Variants in BCAS3 observed in about 807,000 individuals in gnomAD.
BCAS3 encodes BCAS3 microtubule associated cell migration factor.
Under a neutral mutation model 116.1 loss-of-function variants are expected in BCAS3, and 53 were observed. That is an observed-to-expected ratio of 0.46 (90% CI 0.37 to 0.57). BCAS3 has a LOEUF of 0.57. Among genes scored for constraint, BCAS3 ranks in the 20% least tolerant of loss-of-function variants. BCAS3 has a pLI of 0.00. For synonymous variants in BCAS3, 391 were observed against 408.2 expected (o/e 0.96, Z 0.51); for missense variants, 917 against 1,165.4 (o/e 0.79, Z 3.10).
chr17:61,238,078 G>C (rs1237304730), intron 22 of BCAS3, among the ~76,000 whole-genome samples: 1 of 152,130 alleles, frequency 6.6e-6, no homozygotes, highest in African/African-American at 2.4e-5. Flanking sequence ...GTGAGACAGA[G>C]TTTCACTTTT....
chr17:60,739,454 T>C (rs1170322887), intron 5 of BCAS3, among the ~76,000 whole-genome samples: 3 of 152,058 alleles, frequency 2.0e-5, no homozygotes, highest in African/African-American at 7.2e-5. Flanking sequence ...ACCCTGTCTC[T>C]ACTAAAACTA....
chr17:61,345,268 G>A (rs2057439147), intron 22 of BCAS3, among the ~76,000 whole-genome samples: 1 of 152,216 alleles, frequency 6.6e-6, no homozygotes, highest in African/African-American at 2.4e-5. Context: ...TGCCTGACTG[G>A]CTGGCTGGGC....
At chr17:60,705,565 C>T (rs1281548617) in intron 4 of BCAS3, among the ~76,000 whole-genome samples, 1 of 149,208 alleles carries the variant, frequency 6.7e-6, no homozygotes, top group Non-Finnish European at 1.5e-5. Context: ...GTAGATATGG[C>T]AAAAAAGATG....
chr17:60,963,294 A>T (rs1397009739), intron 14 of BCAS3, among the ~76,000 whole-genome samples: 1 of 151,444 alleles, frequency 6.6e-6, no homozygotes, highest in African/African-American at 2.4e-5. Flanking sequence ...TTTGATAGGG[A>T]TTGCATTGAA....
chr17:60,810,613 A>G, intron 7 of BCAS3: 1 of 707,240 alleles, frequency 1.4e-6, no homozygotes, highest in South Asian at 1.4e-5. Flanking sequence ...CAGTGCCTGC[A>G]TCGTTCTGCA....
rs899192463 is a variant in BCAS3 at position 60,956,011 on chromosome 17, G to A, written c.1221+8659G>A. 1.3e-5 allele frequency among the ~76,000 whole-genome samples: 2 copies of A among 152,070 alleles called. No homozygotes were observed. The highest frequency in any genetic ancestry group is 4.8e-5 in the African/African-American group (2 of 41,404). The stretch of plus-strand genomic sequence containing the variant: ...TTCCTCACTGTGCAGTTACTCTTTT[G>A]TACTTATAAAAATTTACAAGGTTTT... On this transcript the variant is annotated intron_variant, in intron 14 of 23. Coordinates refer to ENST00000407086, the MANE Select transcript of BCAS3 (RefSeq NM_017679.5). The surrounding 1 kb of genome is among the most constrained non-coding windows in gnomAD (Gnocchi z 4.2).
intron 22 of BCAS3, among the ~76,000 whole-genome samples, chr17:61,292,882 A>G (rs1021514676): frequency 4.6e-5 from 7 of 152,202 alleles, no homozygotes; most frequent in East Asian, 1.9e-4. Flanking sequence ...TTTTTCATCA[A>G]TACATACAGA....
chr17:61,138,551 A>G (rs2076765988), intron 22 of BCAS3, among the ~76,000 whole-genome samples: 1 of 152,154 alleles, frequency 6.6e-6, no homozygotes, highest in South Asian at 2.1e-4. Flanking sequence ...GCAATTTTGC[A>G]TTTTTTACTG....
chr17:60,989,812 T>C (rs970224436), intron 14 of BCAS3, among the ~76,000 whole-genome samples, 159 bp from the exon 15 acceptor site: 1 of 152,236 alleles, frequency 6.6e-6, no homozygotes, highest in Non-Finnish European at 1.5e-5. Flanking sequence ...ACAGTCATTG[T>C]GAAATGCATC....
In BCAS3 at chr17:61,231,136, T is replaced by C. The variant is rs146004411; in HGVS notation, c.2426-137191T>C. On this transcript the variant is annotated intron_variant, in intron 22 of 23. Transcript: ENST00000407086. ...TTAATAATAGCCGTTCTGACTGGTG[T>C]GAGATTATATCTGATTGTGGTTTTT... is the stretch of plus-strand genomic sequence containing the variant. Among the ~76,000 whole-genome samples the C allele has an allele frequency of 2.0e-4, 31 of 152,226 alleles. 1 individual carries two copies. The East Asian group carries it at 5.2e-3, about 26-fold the overall frequency.
chr17:60,919,428 T>C (rs946518547), intron 12 of BCAS3, among the ~76,000 whole-genome samples: 2 of 152,082 alleles, frequency 1.3e-5, no homozygotes, highest in Non-Finnish European at 2.9e-5. Flanking sequence ...CAGGTTTAAG[T>C]GATTCTTCTG....
intron 7 of BCAS3, among the ~76,000 whole-genome samples, chr17:60,859,002 T>C (rs1337854773): frequency 6.6e-6 from 1 of 152,158 alleles, no homozygotes; most frequent in Non-Finnish European, 1.5e-5. Context: ...AACACCTTTA[T>C]TTTTTATTTT....
chr17:61,298,350 C>T (rs964540654), intron 22 of BCAS3, among the ~76,000 whole-genome samples: 2 of 152,142 alleles, frequency 1.3e-5, no homozygotes, highest in Non-Finnish European at 2.9e-5. Flanking sequence ...GTTTAAAAAT[C>T]AGCTGTCCCC....
At chr17:61,335,177 A>C (rs2056622836) in intron 22 of BCAS3, among the ~76,000 whole-genome samples, 2 of 152,214 alleles carry the variant, frequency 1.3e-5, no homozygotes, top group African/African-American at 4.8e-5. Context: ...CCTTTAGGCA[A>C]GTCTGCTTCC....
chr17:60,862,701 G>A (rs1471544018), intron 7 of BCAS3, among the ~76,000 whole-genome samples: 1 of 152,102 alleles, frequency 6.6e-6, no homozygotes, highest in African/African-American at 2.4e-5. Context: ...GCCCACACTG[G>A]AGTGTAGTGG....
Position 60,947,355 on chromosome 17 carries a change from A to G in BCAS3, c.1221+3A>G, listed in dbSNP as rs1290303488. ...ACAGGGGAGAAACTGAAGCCAAAGT[A>G]AGCTGTATAATTTTTCAGAAGGCGA... On this transcript the variant is annotated splice_donor_region_variant and intron_variant, in intron 14 of 23. Coordinates refer to ENST00000407086, the MANE Select transcript of BCAS3 (RefSeq NM_017679.5). 6.2e-7 allele frequency: 1 copy of G among 1,612,216 alleles called. No homozygotes were observed. Among genetic ancestry groups the G allele is most frequent in the Admixed American group, 1.7e-5 (1 of 59,796 alleles).
intron 6 of BCAS3, among the ~76,000 whole-genome samples, chr17:60,771,259 C>G (rs2144417475): frequency 6.6e-6 from 1 of 151,660 alleles, no homozygotes; most frequent in East Asian, 1.9e-4. Flanking sequence ...TTTTTAAGGT[C>G]TAAAATAGCT....
intron 7 of BCAS3, 93 bp downstream of exon 7, chr17:60,808,169 T>TC: frequency 1.2e-6 from 1 of 853,656 alleles, no homozygotes; most frequent in Non-Finnish European, 1.9e-6. Context: ...TTTGTAACCA[T>TC]AAGACTAAGC....
chr17:60,785,441 G>A (rs1377765453), intron 6 of BCAS3, among the ~76,000 whole-genome samples: 1 of 152,204 alleles, frequency 6.6e-6, no homozygotes, highest in African/African-American at 2.4e-5. Context: ...TTACAGGAAT[G>A]AGCCACTGCG....
Sources: allele counts gnomAD v4.1 joint callset (sites outside exome capture counted in the v4.1 genomes callset), GRCh38; gene constraint gnomAD v4.1.1; non-coding constraint Gnocchi (gnomAD v3.1); transcripts MANE v1.5; gene names NCBI Gene and HGNC (gene_info 2026-07-23, HGNC 2026-07-21).